Variants in ANTXR2 observed in about 807,000 individuals in gnomAD.
ANTXR2 encodes ANTXR cell adhesion molecule 2.
In ANTXR2, 44 loss-of-function variants were observed where a neutral mutation model predicts 73.7. That is an observed-to-expected ratio of 0.60 (90% confidence interval 0.47 to 0.77). ANTXR2 has a LOEUF of 0.77. Ranked by LOEUF, ANTXR2 falls within the 30% of genes least tolerant of loss-of-function variation. ANTXR2 has a pLI of 0.00. For synonymous variants in ANTXR2, 217 were observed against 205.9 expected (o/e 1.05, Z -0.46); for missense variants, 604 against 592.5 (o/e 1.02, Z -0.20).
intron 16 of ANTXR2, among the ~76,000 whole-genome samples, chr4:79,933,040 T>TTAAAA (rs1728121900): frequency 6.6e-6 from 1 of 152,090 alleles, no homozygotes; most frequent in African/African-American, 2.4e-5. Context: ...ATACCCCCAC[T>TTAAAA]TAAAATAAAA....
At chr4:79,920,619 A>G (rs1467289090) in intron 16 of ANTXR2, among the ~76,000 whole-genome samples, 4 of 152,138 alleles carry the variant, frequency 2.6e-5, no homozygotes, top group Non-Finnish European at 5.9e-5. Flanking sequence ...CATCTTTGTC[A>G]TATCTGTGGA....
chr4:80,072,096 G>C (rs749448859), intron 1 of ANTXR2, among the ~76,000 whole-genome samples: 1 of 152,174 alleles, frequency 6.6e-6, no homozygotes, highest in African/African-American at 2.4e-5. Flanking sequence ...TAAGGACTCT[G>C]TGGCCGATGG....
intron 12 of ANTXR2, among the ~76,000 whole-genome samples, chr4:80,006,765 C>A (rs923133710): frequency 6.6e-6 from 1 of 152,082 alleles, no homozygotes; most frequent in Non-Finnish European, 1.5e-5. Context: ...GAGCACATTT[C>A]ATTTTGCATA....
intron 3 of ANTXR2, among the ~76,000 whole-genome samples, chr4:80,063,372 GCTT>G (rs1158805373): frequency 2.6e-5 from 4 of 152,272 alleles, no homozygotes; most frequent in African/African-American, 9.6e-5. Context: ...ATTCCTGAAT[GCTT>G]CTTGTTTCCA....
intron 16 of ANTXR2, among the ~76,000 whole-genome samples, chr4:79,952,585 TAA>T (rs1284596297): frequency 1.3e-5 from 2 of 151,942 alleles, no homozygotes; most frequent in African/African-American, 4.8e-5. Flanking sequence ...ACTTATAATT[TAA>T]GTTTTAATAT....
intron 16 of ANTXR2, among the ~76,000 whole-genome samples, chr4:79,945,802 T>C (rs1236522256): frequency 6.6e-6 from 1 of 152,122 alleles, no homozygotes; most frequent in Non-Finnish European, 1.5e-5. Flanking sequence ...GCCATCACAA[T>C]ATGCCCTACT....
chr4:80,001,558 A>C (rs1204286055), intron 12 of ANTXR2, among the ~76,000 whole-genome samples: 2 of 151,560 alleles, frequency 1.3e-5, no homozygotes, highest in Non-Finnish European at 2.9e-5. Flanking sequence ...GTAGATGTCT[A>C]TTAGGTCCGC....
chr4:79,916,463 A>T (rs1259634975), intron 16 of ANTXR2, among the ~76,000 whole-genome samples: 1 of 152,158 alleles, frequency 6.6e-6, no homozygotes, highest in Non-Finnish European at 1.5e-5. Flanking sequence ...TGTGAGGCAC[A>T]TAGTAGATAA....
intron 10 of ANTXR2, among the ~76,000 whole-genome samples, chr4:80,025,480 T>A (rs1732385639): frequency 6.6e-6 from 1 of 152,130 alleles, no homozygotes; most frequent in South Asian, 2.1e-4. Context: ...AAAAATTAAA[T>A]AAAATTGTGA....
At chr4:79,960,899 G>A (rs914088998) in intron 16 of ANTXR2, among the ~76,000 whole-genome samples, 17 of 151,826 alleles carry the variant, frequency 1.1e-4, no homozygotes, top group Non-Finnish European at 1.9e-4. Context: ...AAATAAAAAT[G>A]AGAGATATTT....
intron 12 of ANTXR2, among the ~76,000 whole-genome samples, chr4:79,986,095 C>T (rs1008763326): frequency 2.0e-5 from 3 of 152,052 alleles, no homozygotes; most frequent in Non-Finnish European, 1.5e-5. Flanking sequence ...CCACCCGCCT[C>T]GGCCCCCCAA....
chr4:80,048,156 T>C (rs1188570670), intron 7 of ANTXR2, among the ~76,000 whole-genome samples: 2 of 151,180 alleles, frequency 1.3e-5, no homozygotes, highest in African/African-American at 4.8e-5. Flanking sequence ...CATAACTATA[T>C]TATAAAAATA....
chr4:79,925,418 GA>G (rs1160600317), intron 16 of ANTXR2, among the ~76,000 whole-genome samples: 4 of 151,446 alleles, frequency 2.6e-5, no homozygotes, highest in Non-Finnish European at 5.9e-5. Context: ...ACGGAAATAA[GA>G]AAAAGCAAAT....
At chr4:79,987,231 A>C (rs533532980) in intron 12 of ANTXR2, among the ~76,000 whole-genome samples, 1 of 152,108 alleles carries the variant, frequency 6.6e-6, no homozygotes, top group Admixed American at 6.5e-5. Flanking sequence ...CAAGGAAACT[A>C]ATAAAACGAT....
At chr4:79,927,514 C>T (rs1578090220) in intron 16 of ANTXR2, among the ~76,000 whole-genome samples, 1 of 152,110 alleles carries the variant, frequency 6.6e-6, no homozygotes, top group Non-Finnish European at 1.5e-5. Flanking sequence ...TTCCTGTATA[C>T]TTTAAATAAT....
chr4:80,051,713 G>A (rs1733780163), intron 7 of ANTXR2, among the ~76,000 whole-genome samples: 1 of 151,698 alleles, frequency 6.6e-6, no homozygotes, highest in Non-Finnish European at 1.5e-5. Flanking sequence ...CGTGCAGGAT[G>A]TTCATAACAA....
At chr4:79,966,645 A>T (rs937358853) in intron 16 of ANTXR2, among the ~76,000 whole-genome samples, 1 of 152,244 alleles carries the variant, frequency 6.6e-6, no homozygotes, top group Non-Finnish European at 1.5e-5. Context: ...TATAAAATAG[A>T]AATAAAATTT....
chr4:79,991,278 A>T (rs551438903), intron 12 of ANTXR2, among the ~76,000 whole-genome samples: 7 of 152,250 alleles, frequency 4.6e-5, no homozygotes, highest in Middle Eastern at 3.4e-3. Flanking sequence ...TCATTTAAAA[A>T]AATGGGCAAA....
At chr4:80,048,774 T>C (rs186382553) in intron 7 of ANTXR2, among the ~76,000 whole-genome samples, 2 of 151,764 alleles carry the variant, frequency 1.3e-5, no homozygotes, top group Admixed American at 1.3e-4. Context: ...CTTTTCTTCT[T>C]AGATATTTTT....
Sources: allele counts gnomAD v4.1 joint callset (sites outside exome capture counted in the v4.1 genomes callset), GRCh38; gene constraint gnomAD v4.1.1; transcripts MANE v1.5; gene names NCBI Gene and HGNC (gene_info 2026-07-23, HGNC 2026-07-21).